The following TBC1D22A variants were observed in gnomAD, a reference collection of about 807,000 sequenced individuals.
The protein encoded by TBC1D22A is TBC1 domain family member 22A, also known as putative GTPase activator.
A neutral mutation model predicts 60.2 loss-of-function variants in TBC1D22A; 38 were observed. The ratio of observed to expected loss-of-function variants is 0.63; its 90% CI spans 0.49 to 0.83. The LOEUF (loss-of-function observed/expected upper bound fraction) is 0.83, where lower values mean the gene tolerates loss of function less well. Among genes scored for constraint, TBC1D22A ranks in the 40% least tolerant of loss-of-function variants. The probability of loss-of-function intolerance (pLI) is 0.00; values close to 1 mark genes in which losing one functional copy is unlikely to be tolerated. For synonymous variants in TBC1D22A, 302 were observed against 281.7 expected (o/e 1.07, Z -0.72); for missense variants, 628 against 701.0 (o/e 0.90, Z 1.18).
At chr22:46,943,164 C>T (rs974396911) in intron 8 of TBC1D22A, among the ~76,000 whole-genome samples, 2 of 152,016 alleles carry the variant, frequency 1.3e-5, no homozygotes, top group Middle Eastern at 3.4e-3. Context: ...AAATGTCCTC[C>T]GAAGGGAGCT....
At chr22:47,094,743 G>A (rs532784682) in intron 11 of TBC1D22A, among the ~76,000 whole-genome samples, 1 of 152,282 alleles carries the variant, frequency 6.6e-6, no homozygotes, top group East Asian at 1.9e-4. Flanking sequence ...GCTTATTTCA[G>A]TTAGAGAGTG....
intron 8 of TBC1D22A, chr22:46,915,351 G>T (rs1207803641): frequency 2.2e-6 from 1 of 454,488 alleles, no homozygotes; most frequent in Non-Finnish European, 4.4e-6. Flanking sequence ...AACCTCAGAT[G>T]CTCTGCTTAG....
intron 11 of TBC1D22A, among the ~76,000 whole-genome samples, chr22:47,049,505 A>C (rs550060006): frequency 6.6e-6 from 1 of 152,338 alleles, no homozygotes; most frequent in African/African-American, 2.4e-5. Flanking sequence ...ATGAGAGTAC[A>C]TGCATATTGC....
At chr22:47,147,681 A>G (rs1444571708) in intron 12 of TBC1D22A, among the ~76,000 whole-genome samples, 1 of 152,242 alleles carries the variant, frequency 6.6e-6, no homozygotes, top group Non-Finnish European at 1.5e-5. Flanking sequence ...GTGGTGGGAC[A>G]GGGCCGGGCT....
intron 9 of TBC1D22A, among the ~76,000 whole-genome samples, chr22:46,975,771 A>G (rs902941751): frequency 6.6e-6 from 1 of 152,192 alleles, no homozygotes; most frequent in African/African-American, 2.4e-5. Context: ...TAATTTGAAT[A>G]TATTAGCTAA....
At chr22:46,981,516 GC>G (rs1313406192) in intron 9 of TBC1D22A, among the ~76,000 whole-genome samples, 2 of 152,238 alleles carry the variant, frequency 1.3e-5, no homozygotes, top group African/African-American at 4.8e-5. Flanking sequence ...ACCAGGTGGA[GC>G]TGATTGGATC....
chr22:47,076,682 C>T (rs2039138293), intron 11 of TBC1D22A, among the ~76,000 whole-genome samples: 1 of 152,028 alleles, frequency 6.6e-6, no homozygotes, highest in African/African-American at 2.4e-5. Flanking sequence ...TCCTCCCTGA[C>T]CTCCATTATT....
intron 10 of TBC1D22A, among the ~76,000 whole-genome samples, chr22:47,012,775 A>C (rs2061791715): frequency 6.6e-6 from 1 of 152,220 alleles, no homozygotes; most frequent in South Asian, 2.1e-4. Context: ...TTATTCTTTC[A>C]GAGCTCGTGC....
At position 46,947,060 on chromosome 22, in the gene TBC1D22A, T is replaced by G. The variant is rs186554314; in HGVS notation, c.1016-27230T>G. Among the ~76,000 whole-genome samples the G allele has an allele frequency of 3.0e-3, 457 of 152,318 alleles. 2 individuals are homozygous for G. Among genetic ancestry groups the G allele is most frequent in the Non-Finnish European group, 4.0e-3 (273 of 68,032 alleles). On this transcript the variant is annotated intron_variant, in intron 8 of 12. Coordinates refer to ENST00000337137, the MANE Select transcript of TBC1D22A (RefSeq NM_014346.5). ...TTGAGGCCGAGGGGTCTTTAGAGAC[T>G]GCCAGGCCCAGCCTCCCCAGGCCAC...
At chr22:47,146,279 G>A (rs981137988) in intron 12 of TBC1D22A, among the ~76,000 whole-genome samples, 8 of 152,182 alleles carry the variant, frequency 5.3e-5, no homozygotes, top group African/African-American at 1.9e-4. Context: ...CTCCAAACCC[G>A]TTCACGCTAG....
At chr22:46,802,356 A>G (rs1399047013) in intron 4 of TBC1D22A, among the ~76,000 whole-genome samples, 1 of 152,202 alleles carries the variant, frequency 6.6e-6, no homozygotes, top group Non-Finnish European at 1.5e-5. Flanking sequence ...TGGAGGGTAG[A>G]GGCTGGAGCT....
At chr22:46,815,916 G>T (rs534611498) in intron 4 of TBC1D22A, among the ~76,000 whole-genome samples, 1 of 152,114 alleles carries the variant, frequency 6.6e-6, no homozygotes, top group Non-Finnish European at 1.5e-5. Context: ...GAGATAATCG[G>T]CTGGAGCCCG....
At chr22:47,023,672 A>T (rs2062160987) in intron 10 of TBC1D22A, among the ~76,000 whole-genome samples, 1 of 152,262 alleles carries the variant, frequency 6.6e-6, no homozygotes, top group African/African-American at 2.4e-5. Context: ...TCAAGCCTGG[A>T]GACAAGGGAG....
At chr22:47,166,815 A>G (rs1447650994) in intron 12 of TBC1D22A, among the ~76,000 whole-genome samples, 2 of 152,240 alleles carry the variant, frequency 1.3e-5, no homozygotes, top group Non-Finnish European at 2.9e-5. Context: ...CCTCAGGCCC[A>G]TTTGCTGGAG....
At position 47,146,964 on chromosome 22, in the gene TBC1D22A, G is replaced by A. The variant is rs567687548; in HGVS notation, c.1426-26534G>A. ...CATTTGAAAAATACCACAGCCCACCGGCTGGCCCATGAGAGTGGCAGTTAC... is the reference window on the plus strand; with the variant it reads ...CATTTGAAAAATACCACAGCCCACCAGCTGGCCCATGAGAGTGGCAGTTAC... On this transcript the variant is annotated intron_variant, in intron 12 of 12. Coordinates refer to ENST00000337137, the MANE Select transcript of TBC1D22A (RefSeq NM_014346.5). Among the ~76,000 whole-genome samples the A allele has an allele frequency of 3.3e-5, 5 of 152,326 alleles. No homozygotes were observed. The East Asian group carries it at 5.8e-4, about 18-fold the overall frequency.
intron 5 of TBC1D22A, among the ~76,000 whole-genome samples, chr22:46,882,842 T>C (rs1435326530): frequency 6.6e-6 from 1 of 152,250 alleles, no homozygotes; most frequent in Non-Finnish European, 1.5e-5. Context: ...GCAAACATCA[T>C]GACTCTTTTT....
At chr22:46,988,098 CTT>C (rs1253479254) in intron 9 of TBC1D22A, among the ~76,000 whole-genome samples, 1 of 151,870 alleles carries the variant, frequency 6.6e-6, no homozygotes, top group Non-Finnish European at 1.5e-5. Flanking sequence ...AAAGAAACCA[CTT>C]TTTTTTCCTC....
chr22:46,810,617 T>A (rs747482686), intron 4 of TBC1D22A, among the ~76,000 whole-genome samples: 5 of 152,218 alleles, frequency 3.3e-5, no homozygotes, highest in Admixed American at 6.5e-5. Context: ...GACAATAAAC[T>A]GTTTTGTGGT....
intron 4 of TBC1D22A, among the ~76,000 whole-genome samples, chr22:46,875,624 G>GT (rs1413557741): frequency 3.3e-5 from 5 of 152,006 alleles, no homozygotes; most frequent in Non-Finnish European, 7.4e-5. Flanking sequence ...GCTAATTTTT[G>GT]TATTTTTAGT....
Sources: allele counts gnomAD v4.1 joint callset (sites outside exome capture counted in the v4.1 genomes callset), GRCh38; gene constraint gnomAD v4.1.1; transcripts MANE v1.5; gene names NCBI Gene and HGNC (gene_info 2026-07-23, HGNC 2026-07-21).